Variants in RIOK2 observed in about 807,000 individuals in gnomAD.
RIOK2 encodes RIO kinase 2.
RIOK2 carries 46 observed loss-of-function variants against 62.4 expected under a neutral mutation model. That is an observed-to-expected ratio of 0.74 (90% CI 0.58 to 0.94). The LOEUF (loss-of-function observed/expected upper bound fraction) is 0.94. Ranked by LOEUF, RIOK2 falls within the 40% of genes least tolerant of loss-of-function variation. The probability of loss-of-function intolerance (pLI) is 0.00; values close to 1 mark genes in which losing one functional copy is unlikely to be tolerated. For missense variants in RIOK2, 574 were observed against 658.0 expected (o/e 0.87, Z 1.40); for synonymous variants, 197 against 216.0 (o/e 0.91, Z 0.77).
In RIOK2 at chr5:97,176,500, C is replaced by A. The variant is rs184627859; in HGVS notation, c.498+616G>T. ...GGGATTACAGGTGGCCACCACCATC[C>A]CCGGCTAATTCTTGTATTTTTAGTA... On this transcript the variant is annotated intron_variant, in intron 4 of 9. Transcript: ENST00000283109. Among the ~76,000 whole-genome samples, 9 of 152,226 alleles carry A rather than the reference C, an allele frequency of 5.9e-5. No homozygotes were observed. In the East Asian group the frequency reaches 1.5e-3, roughly 26 times the overall value.
rs764324609 is a variant in RIOK2 at position 97,183,209 on chromosome 5, C to T, written c.-18G>A. On this transcript the variant is annotated 5_prime_UTR_variant, in exon 1 of 10. Coordinates refer to ENST00000283109, the MANE Select transcript of RIOK2 (RefSeq NM_018343.3). ...TTCCCCATGGCGGCCCCAGTCCGAACCCAGATGCCTCTCCGACGACAGCCG... is the reference window on the plus strand; with the variant it reads ...TTCCCCATGGCGGCCCCAGTCCGAATCCAGATGCCTCTCCGACGACAGCCG... The T allele has an allele frequency of 6.2e-7, 1 of 1,614,014 alleles. No homozygotes were observed. The highest frequency in any genetic ancestry group is 2.2e-5 in the East Asian group (1 of 44,862).
At chr5:97,178,713 AC>A (rs1411406529) in intron 2 of RIOK2, 1 of 298,776 alleles carries the variant, frequency 3.3e-6, no homozygotes, top group East Asian at 1.1e-4. Context: ...TGCAGTACCT[AC>A]GTGCTCTTCT....
chr5:97,179,285 T>G, intron 1 of RIOK2, 92 bp from the exon 2 acceptor site: 1 of 1,175,026 alleles, frequency 8.5e-7, no homozygotes, highest in African/African-American at 1.5e-5. Context: ...GAAGCTTTCC[T>G]GACTATGCAG....
Position 97,167,493 on chromosome 5 carries a change from T to G in RIOK2, c.1371A>C (p.Ser457=). The change falls in exon 8 of 10, where the codon TCA becomes TCC. Residue 457 remains serine (S), a synonymous_variant. Transcript: ENST00000283109. ...DECPHLIALS[S]LNREFRPFRD... ...TGAAAGGCCTGAATTCTCTATTTAATGACGACAAGGCAATTAGATGAGGGC... is the reference window on the plus strand; with the variant it reads ...TGAAAGGCCTGAATTCTCTATTTAAGGACGACAAGGCAATTAGATGAGGGC... The G allele has an allele frequency of 6.2e-7, 1 of 1,614,130 alleles. No individual in the cohort carries two copies. The highest frequency in any genetic ancestry group is 1.1e-5 in the South Asian group (1 of 91,080).
chr5:97,164,960 G>T, intron 9 of RIOK2, 91 bp downstream of exon 9: 1 of 705,552 alleles, frequency 1.4e-6, no homozygotes. Context: ...GTCTGTACCT[G>T]AAAGGCATAC....
In RIOK2 at chr5:97,162,890, G is replaced by A. The variant is rs1748740346; in HGVS notation, c.*171C>T. On this transcript the variant is annotated 3_prime_UTR_variant, in exon 10 of 10. Transcript: ENST00000283109. ...ACTTTGAAAAAAATGGACTGCTTTG[G>A]CAGGTAATTATTCTTTGCAAGACAC... 3.7e-6 allele frequency: 2 copies of A among 545,034 alleles called. No individual in the cohort carries two copies. The highest frequency in any genetic ancestry group is 6.3e-6 in the Non-Finnish European group (2 of 319,028). The allele number at this position is 545,034 out of a possible 1,614,324, so 33.8% of individuals were successfully genotyped here.
chr5:97,165,100 A>C lies in RIOK2; in HGVS notation c.1445T>G (p.Leu482Arg). 6.3e-7 allele frequency: 1 copy of C among 1,584,426 alleles called. No homozygotes were observed. Among genetic ancestry groups the C allele is most frequent in the Non-Finnish European group, 8.6e-7 (1 of 1,166,044 alleles). Residue 482 changes from leucine (L) to arginine (R), a missense_variant, in exon 9 of 10, where the codon CTG becomes CGG. Physicochemically the swap from Leu to Arg is moderately radical, Grantham distance 102. Coordinates refer to ENST00000283109, the MANE Select transcript of RIOK2 (RefSeq NM_018343.3). ...AGCACTGCCTGAAGAAGTGATACTC[A>C]GAGTTCTTGTTCTATACTGATTCAT... Reference protein sequence around the residue: ...GAMNQYRTRTLSITSSGSAVS... With the variant: ...GAMNQYRTRTRSITSSGSAVS...
intron 9 of RIOK2, among the ~76,000 whole-genome samples, chr5:97,163,426 C>A (rs928275812): frequency 6.6e-6 from 1 of 152,044 alleles, no homozygotes. Flanking sequence ...AGTGTATAGG[C>A]AGAATTTTTA....
At chr5:97,169,851 GT>G (rs1353897969) in intron 6 of RIOK2, among the ~76,000 whole-genome samples, 1 of 152,080 alleles carries the variant, frequency 6.6e-6, no homozygotes, top group East Asian at 1.9e-4. Context: ...GTCATAATCT[GT>G]CACACTCTGG....
chr5:97,170,270 T>C lies in RIOK2; in HGVS notation c.779+936A>G, dbSNP rs373454088. Among the ~76,000 whole-genome samples, 6 of 152,332 alleles carry C rather than the reference T, an allele frequency of 3.9e-5. No homozygotes were observed. The East Asian group carries it at 7.7e-4, about 20-fold the overall frequency. ...AAATAAAGGATAAGGTCCTGTTTCA[T>C]GACTTGGCTGGCTTGGTTTAAATAA... On this transcript the variant is annotated intron_variant, in intron 6 of 9. Coordinates refer to ENST00000283109, the MANE Select transcript of RIOK2 (RefSeq NM_018343.3).
intron 7 of RIOK2, 42 bp downstream of exon 7, chr5:97,168,718 A>G: frequency 1.7e-6 from 2 of 1,197,830 alleles, no homozygotes; most frequent in Non-Finnish European, 2.3e-6. Context: ...CAGACCAGAT[A>G]TTTAAACTGT....
chr5:97,164,729 T>C (rs1748799783), intron 9 of RIOK2, among the ~76,000 whole-genome samples: 1 of 152,136 alleles, frequency 6.6e-6, no homozygotes, highest in African/African-American at 2.4e-5. Flanking sequence ...TCAGTTTGTA[T>C]TCTAAGAAAA....
At chr5:97,178,380 C>A (rs537332634) in intron 2 of RIOK2, among the ~76,000 whole-genome samples, 1 of 120,864 alleles carries the variant, frequency 8.3e-6, no homozygotes, top group South Asian at 2.8e-4. Flanking sequence ...TGCTCTTCTG[C>A]AGTACCTACA....
At chr5:97,170,963 G>A (rs1430081840) in intron 6 of RIOK2, among the ~76,000 whole-genome samples, 2 of 147,008 alleles carry the variant, frequency 1.4e-5, no homozygotes, top group Non-Finnish European at 3.0e-5. Context: ...AGACCAGCCT[G>A]ACCAACATGG....
At chr5:97,167,246 T>C in intron 8 of RIOK2, 2 of 1,413,998 alleles carry the variant, frequency 1.4e-6, no homozygotes, top group Non-Finnish European at 1.8e-6. Context: ...TAAGGCAGAA[T>C]TACTTGAAAT....
chr5:97,171,178 T>C, intron 6 of RIOK2, 28 bp downstream of exon 6: 1 of 1,339,966 alleles, frequency 7.5e-7, no homozygotes, highest in Non-Finnish European at 9.7e-7. Flanking sequence ...TAAAATAAAA[T>C]AAAAATAAAA....
chr5:97,162,168 A>G lies in RIOK2; in HGVS notation c.*893T>C, dbSNP rs1435950344. On this transcript the variant is annotated 3_prime_UTR_variant, in exon 10 of 10. Coordinates refer to ENST00000283109, the MANE Select transcript of RIOK2 (RefSeq NM_018343.3). ...CCATCTAGTGGCCATTTTTCGCTGC[A>G]AGTGATCCCCTTTTCCGACTTATGC... 6.6e-6 allele frequency: 1 copy of G among 152,130 alleles called. No individual in the cohort carries two copies. Among genetic ancestry groups the G allele is most frequent in the East Asian group, 1.9e-4 (1 of 5,196 alleles). The allele number at this position is 152,130 out of a possible 1,614,324, so 9.4% of individuals were successfully genotyped here.
In RIOK2 at chr5:97,164,541, AAAC is replaced by A. The variant is rs369404670; in HGVS notation, c.1494+507_1494+509del. Among the ~76,000 whole-genome samples, 314 of 151,948 alleles carry A rather than the reference AAAC, an allele frequency of 2.1e-3. 1 individual carries two copies. The highest frequency in any genetic ancestry group is 7.1e-3 in the African/African-American group (294 of 41,478). ...TCAAAAAAAAAACAAAAACAAAAAC[AAAC>A]AACAACAACAAAATTTTATACCATT... On this transcript the variant is annotated intron_variant, in intron 9 of 9. Coordinates refer to ENST00000283109, the MANE Select transcript of RIOK2 (RefSeq NM_018343.3).
intron 2 of RIOK2, 35 bp from the exon 3 acceptor site, chr5:97,177,883 A>G: frequency 7.5e-7 from 1 of 1,326,582 alleles, no homozygotes; most frequent in Non-Finnish European, 1.1e-6. Flanking sequence ...ACCATATTTC[A>G]GTTACATTGT....
Sources: gnomAD v4.1 joint callset for allele counts (sites outside exome capture counted in the v4.1 genomes callset) on GRCh38, gnomAD v4.1.1 for gene constraint, MANE v1.5 for transcripts, NCBI Gene and HGNC (gene_info 2026-07-23, HGNC 2026-07-21) for gene names.